Variants in SNTG1 observed in about 807,000 individuals in gnomAD.
SNTG1 encodes the protein gamma-1-syntrophin.
A neutral mutation model predicts 74.7 loss-of-function variants in SNTG1; 39 were observed. The ratio of observed to expected loss-of-function variants is 0.52; its 90% CI spans 0.40 to 0.68. The LOEUF is 0.68. Ranked by LOEUF, SNTG1 falls within the 30% of genes least tolerant of loss-of-function variation. The pLI is 0.00. For missense variants in SNTG1, 685 were observed against 609.5 expected, an observed-to-expected ratio of 1.12 and a Z score of -1.30; for synonymous variants, 254 against 217.1, an observed-to-expected ratio of 1.17 and a Z score of -1.49.
intron 4 of SNTG1, among the ~76,000 whole-genome samples, chr8:50,424,690 C>T (rs1481617696): frequency 6.6e-6 from 1 of 152,122 alleles, no homozygotes; most frequent in Non-Finnish European, 1.5e-5. Flanking sequence ...AATTAAAAAT[C>T]ACACTATCTT....
At chr8:50,571,208 C>T (rs2094547500) in intron 12 of SNTG1, among the ~76,000 whole-genome samples, 1 of 152,162 alleles carries the variant, frequency 6.6e-6, no homozygotes, top group Admixed American at 6.5e-5. Context: ...ACAGGGGCCA[C>T]CCCATAGCAT....
chr8:50,310,788 T>G (rs2090081164), intron 2 of SNTG1, among the ~76,000 whole-genome samples: 1 of 152,230 alleles, frequency 6.6e-6, no homozygotes, highest in Non-Finnish European at 1.5e-5. Context: ...AGATTTGATA[T>G]ATTGGTTAAA....
chr8:50,037,595 G>A (rs1321971333), intron 1 of SNTG1, among the ~76,000 whole-genome samples: 3 of 152,192 alleles, frequency 2.0e-5, no homozygotes, highest in Non-Finnish European at 4.4e-5. Context: ...CCTAATATAT[G>A]TTGTGTATTT....
chr8:49,942,513 TAG>T (rs975073776), intron 1 of SNTG1, among the ~76,000 whole-genome samples: 25 of 152,174 alleles, frequency 1.6e-4, no homozygotes, highest in Non-Finnish European at 4.4e-5. Context: ...TAAGTTTTCT[TAG>T]TTTTTATCTG....
intron 13 of SNTG1, among the ~76,000 whole-genome samples, chr8:50,638,249 C>T (rs2095051295): frequency 6.6e-6 from 1 of 151,922 alleles, no homozygotes; most frequent in Non-Finnish European, 1.5e-5. Context: ...CTCAGTAGGA[C>T]CTGTTTCATA....
In SNTG1 at chr8:50,238,992, A is replaced by G. The variant is rs567828897; in HGVS notation, c.-28+66357A>G. Among the ~76,000 whole-genome samples the G allele has an allele frequency of 6.3e-4, 96 of 152,276 alleles. 3 individuals carry two copies. In the South Asian group the frequency reaches 0.011, roughly 17 times the overall value. ...GCGATTATTAAAAAGTCAAAAAATA[A>G]CAGATGCTGGAGAAGTTGTGAGAAA... is the stretch of plus-strand genomic sequence containing the variant. On this transcript the variant is annotated intron_variant, in intron 2 of 18. Coordinates refer to ENST00000642720, the MANE Select transcript of SNTG1 (RefSeq NM_018967.5).
At chr8:50,445,585 A>G (rs900858954) in intron 5 of SNTG1, among the ~76,000 whole-genome samples, 17 of 152,186 alleles carry the variant, frequency 1.1e-4, no homozygotes, top group Admixed American at 2.0e-4. Flanking sequence ...TAGCTATAAA[A>G]TCCACTATGC....
intron 2 of SNTG1, among the ~76,000 whole-genome samples, chr8:50,178,383 GTC>G (rs2083077726): frequency 2.9e-5 from 4 of 137,158 alleles, no homozygotes; most frequent in African/African-American, 1.1e-4. Flanking sequence ...GTCACTTTCT[GTC>G]TCTCTCTTCA....
chr8:49,957,392 AGTT>A (rs1287073860), intron 1 of SNTG1, among the ~76,000 whole-genome samples: 1 of 152,188 alleles, frequency 6.6e-6, no homozygotes, highest in African/African-American at 2.4e-5. Context: ...TATTAACTAC[AGTT>A]GTTGTTTATC....
intron 1 of SNTG1, among the ~76,000 whole-genome samples, chr8:50,129,110 A>AT (rs2081235417): frequency 6.6e-6 from 1 of 152,164 alleles, no homozygotes; most frequent in Non-Finnish European, 1.5e-5. Context: ...AAACTGATTT[A>AT]TTTAGGCAAC....
intron 2 of SNTG1, among the ~76,000 whole-genome samples, chr8:50,278,433 T>C (rs899649915): frequency 2.0e-5 from 3 of 152,190 alleles, no homozygotes; most frequent in Non-Finnish European, 2.9e-5. Context: ...ATAATAATGA[T>C]GCCTGCCTAA....
chr8:50,763,927 C>T lies in SNTG1; in HGVS notation c.1395+11816C>T, dbSNP rs1385366586. Among the ~76,000 whole-genome samples the T allele has an allele frequency of 2.4e-5, 3 of 126,394 alleles. No homozygotes were observed. The East Asian group carries it at 7.9e-4, about 33-fold the overall frequency. 82.9% of individuals were successfully genotyped at this position (126,394 alleles called of 152,430 possible). On this transcript the variant is annotated intron_variant, in intron 18 of 18. Coordinates refer to ENST00000642720, the MANE Select transcript of SNTG1 (RefSeq NM_018967.5). The stretch of plus-strand genomic sequence containing the variant: ...CACACAAAAATAACCAAGGCAATTC[C>T]TATACATAGGTATAGGAATTAAAAC...
chr8:50,381,905 G>A (rs2092494691), intron 2 of SNTG1: 1 of 147,334 alleles, frequency 6.8e-6, no homozygotes, highest in Non-Finnish European at 1.5e-5. Context: ...TCCCACAATA[G>A]GCTGTCTGCA....
chr8:50,350,046 G>A (rs957395249), intron 2 of SNTG1, among the ~76,000 whole-genome samples: 19 of 152,296 alleles, frequency 1.2e-4, no homozygotes, highest in Middle Eastern at 3.4e-3. Context: ...GGCAATGAGG[G>A]GCTTAGCACC....
At chr8:50,154,527 G>A (rs2082189568) in intron 1 of SNTG1, among the ~76,000 whole-genome samples, 1 of 152,070 alleles carries the variant, frequency 6.6e-6, no homozygotes, top group African/African-American at 2.4e-5. Context: ...CTTTAGAATA[G>A]AGAAACCCAG....
At position 50,530,239 on chromosome 8, in the gene SNTG1, A is replaced by T; in HGVS notation, c.529A>T (p.Asn177Tyr). Reference sequence around the variant, plus strand: ...TCTCTGTGACAGTGGCTTACATCTCAACTACCATCCCAACAATACAGTAAG... The same window carrying T: ...TCTCTGTGACAGTGGCTTACATCTCTACTACCATCCCAACAATACAGTAAG... ...SPLCDSGLHL[N>Y]YHPNNTDTLS... Residue 177 changes from asparagine to tyrosine, a missense_variant, in exon 10 of 19, where the codon AAC becomes TAC. Asn to Tyr is a moderately radical substitution (Grantham distance 143). Coordinates refer to ENST00000642720, the MANE Select transcript of SNTG1 (RefSeq NM_018967.5). 3.1e-6 allele frequency: 5 copies of T among 1,613,158 alleles called. No homozygotes were observed. Among genetic ancestry groups the T allele is most frequent in the Non-Finnish European group, 4.2e-6 (5 of 1,179,292 alleles).
Position 50,752,101 on chromosome 8 carries a change from T to C in SNTG1, c.1385T>C (p.Ile462Thr). ...FLFQNPDTKQ[I>T]EAKELEFSNL... The stretch of plus-strand genomic sequence containing the variant: ...TTTCAGAATCCAGATACTAAACAGA[T>C]TGAAGCAAAGGTAAACCCAAGAAAT... Residue 462 changes from isoleucine (I) to threonine (T), a missense_variant, in exon 18 of 19, where the codon ATT (isoleucine) becomes ACT (threonine). Coordinates refer to ENST00000642720, the MANE Select transcript of SNTG1 (RefSeq NM_018967.5). 1 of 1,546,240 alleles carries C rather than the reference T, an allele frequency of 6.5e-7. No homozygotes were observed. Among genetic ancestry groups the C allele is most frequent in the South Asian group, 1.3e-5 (1 of 79,822 alleles).
chr8:50,291,914 GT>G (rs1375936226), intron 2 of SNTG1, among the ~76,000 whole-genome samples: 1 of 152,104 alleles, frequency 6.6e-6, no homozygotes, highest in East Asian at 1.9e-4. Context: ...GCTCTCCGTT[GT>G]TTTGGAGTGT....
At chr8:49,910,169 C>T (rs955911850), upstream of SNTG1, among the ~76,000 whole-genome samples, 2 of 152,164 alleles carry the variant, frequency 1.3e-5, no homozygotes, top group Non-Finnish European at 2.9e-5. Flanking sequence ...ACGTCTAGGA[C>T]TTCCCTGTAG....
Sources: allele counts gnomAD v4.1 joint callset (sites outside exome capture counted in the v4.1 genomes callset), GRCh38; gene constraint gnomAD v4.1.1; transcripts MANE v1.5; gene names NCBI Gene and HGNC (gene_info 2026-07-23, HGNC 2026-07-21).